Variants in CHODL observed in about 807,000 individuals in gnomAD.
The protein encoded by CHODL is transmembrane protein MT75.
Under a neutral mutation model 34.5 loss-of-function variants are expected in CHODL, and 29 were observed. That is an observed-to-expected ratio of 0.84 (90% CI 0.63 to 1.15). The LOEUF (loss-of-function observed/expected upper bound fraction) is 1.15, where lower values mean the gene tolerates loss of function less well. Among genes scored for constraint, CHODL ranks in the 50% most tolerant of loss-of-function variants. The probability of loss-of-function intolerance (pLI) is 0.00; values close to 1 mark genes in which losing one functional copy is unlikely to be tolerated. For synonymous variants in CHODL, 125 were observed against 116.1 expected (o/e 1.08, Z -0.49); for missense variants, 332 against 332.5 (o/e 1.00, Z 0.01).
At chr21:18,045,672 T>G (rs1236549040) in intron 2 of CHODL, among the ~76,000 whole-genome samples, 1 of 151,944 alleles carries the variant, frequency 6.6e-6, no homozygotes, top group Non-Finnish European at 1.5e-5. Context: ...CACTCCAAAG[T>G]TCATGTTGAA....
At chr21:18,229,723 G>A (rs2073962154) in intron 2 of CHODL, among the ~76,000 whole-genome samples, 1 of 151,894 alleles carries the variant, frequency 6.6e-6, no homozygotes, top group East Asian at 1.9e-4. Context: ...TTTTTCTTCT[G>A]CCCACAGAAT....
At chr21:18,136,130 A>AAAAAG (rs1568904709) in intron 2 of CHODL, among the ~76,000 whole-genome samples, 1 of 151,138 alleles carries the variant, frequency 6.6e-6, no homozygotes, top group Non-Finnish European at 1.5e-5. Context: ...AAAAAGAAAA[A>AAAAAG]AAAGAAAAAA....
chr21:17,963,404 G>T (rs1956471633), intron 1 of CHODL, among the ~76,000 whole-genome samples: 1 of 152,202 alleles, frequency 6.6e-6, no homozygotes, highest in African/African-American at 2.4e-5. Context: ...AGAAAAAGAG[G>T]TTTAATAGAC....
intron 2 of CHODL, among the ~76,000 whole-genome samples, chr21:18,224,711 G>T (rs1409011456): frequency 6.6e-6 from 1 of 151,972 alleles, no homozygotes; most frequent in East Asian, 1.9e-4. Flanking sequence ...AATTTCCTTG[G>T]TTTTAAACAT....
At chr21:18,155,174 A>G (rs1361207182) in intron 2 of CHODL, among the ~76,000 whole-genome samples, 1 of 152,166 alleles carries the variant, frequency 6.6e-6, no homozygotes, top group Non-Finnish European at 1.5e-5. Context: ...CATAATTGGG[A>G]AACAAATGAG....
upstream of CHODL, among the ~76,000 whole-genome samples, chr21:18,240,506 A>G (rs1379094955): frequency 1.3e-5 from 2 of 152,120 alleles, no homozygotes; most frequent in African/African-American, 4.8e-5. Flanking sequence ...ATCACCCCCA[A>G]TAAGGAGTTA....
intron 2 of CHODL, among the ~76,000 whole-genome samples, chr21:18,166,181 T>C (rs2146650722): frequency 6.6e-6 from 1 of 152,322 alleles, no homozygotes; most frequent in Admixed American, 6.5e-5. Flanking sequence ...TTGCTGTTTG[T>C]CAGCTGGTGG....
At chr21:18,103,613 A>G (rs1295768444) in intron 2 of CHODL, among the ~76,000 whole-genome samples, 1 of 152,046 alleles carries the variant, frequency 6.6e-6, no homozygotes, top group East Asian at 1.9e-4. Flanking sequence ...ATGGGCTGCT[A>G]TGGGCTGGCT....
intron 1 of CHODL, among the ~76,000 whole-genome samples, chr21:17,965,782 A>G (rs1163539258): frequency 6.6e-6 from 1 of 152,184 alleles, no homozygotes; most frequent in East Asian, 1.9e-4. Context: ...GAATGAATGC[A>G]TAGATGACTC....
At chr21:18,101,662 G>A (rs2065215330) in intron 2 of CHODL, among the ~76,000 whole-genome samples, 1 of 151,272 alleles carries the variant, frequency 6.6e-6, no homozygotes, top group South Asian at 2.1e-4. Flanking sequence ...AAAGGTAAGT[G>A]TTGAAGCCAG....
chr21:18,085,622 G>T (rs1364611583), intron 2 of CHODL, among the ~76,000 whole-genome samples: 1 of 151,854 alleles, frequency 6.6e-6, no homozygotes. Context: ...GCTTTATTTG[G>T]CAAGATACGC....
chr21:17,986,591 T>A (rs1170807144), intron 1 of CHODL, among the ~76,000 whole-genome samples: 1 of 152,206 alleles, frequency 6.6e-6, no homozygotes, highest in Non-Finnish European at 1.5e-5. Flanking sequence ...TGGTTCCAAG[T>A]CTTTGCTATT....
intron 2 of CHODL, among the ~76,000 whole-genome samples, chr21:18,093,228 T>C (rs771976967): frequency 6.6e-6 from 1 of 152,162 alleles, no homozygotes; most frequent in Non-Finnish European, 1.5e-5. Context: ...CCTAGAATAA[T>C]GTATTAAGTG....
intron 2 of CHODL, among the ~76,000 whole-genome samples, chr21:18,062,653 C>T (rs2064682310): frequency 6.6e-6 from 1 of 152,086 alleles, no homozygotes; most frequent in Non-Finnish European, 1.5e-5. Flanking sequence ...GTAGTCCCAG[C>T]TACTCGGGAG....
At chr21:18,170,851 C>T (rs2073218880) in intron 2 of CHODL, among the ~76,000 whole-genome samples, 1 of 152,020 alleles carries the variant, frequency 6.6e-6, no homozygotes, top group Admixed American at 6.5e-5. Context: ...AGACAGTTAA[C>T]TTTACTAGTA....
At chr21:18,024,053 C>T (rs2064151623) in intron 1 of CHODL, among the ~76,000 whole-genome samples, 1 of 152,172 alleles carries the variant, frequency 6.6e-6, no homozygotes, top group African/African-American at 2.4e-5. Flanking sequence ...GCCAGAGATT[C>T]TGACATGAGT....
intron 2 of CHODL, among the ~76,000 whole-genome samples, chr21:18,222,540 T>A (rs73893031): frequency 1.3e-5 from 2 of 152,180 alleles, no homozygotes; most frequent in African/African-American, 4.8e-5. Context: ...AGGGGCTTTT[T>A]TTGTGGCTTG....
At chr21:17,968,423 GA>G (rs1437707759) in intron 1 of CHODL, among the ~76,000 whole-genome samples, 10 of 152,118 alleles carry the variant, frequency 6.6e-5, no homozygotes, top group Non-Finnish European at 1.5e-4. Flanking sequence ...TCTTTTGCAC[GA>G]AAGTGGCTGG....
intron 2 of CHODL, among the ~76,000 whole-genome samples, chr21:18,220,837 T>C (rs2073876271): frequency 6.6e-6 from 1 of 152,254 alleles, no homozygotes; most frequent in African/African-American, 2.4e-5. Context: ...TTGTCTTTGG[T>C]TTTTGACAGT....
Sources: allele counts gnomAD v4.1 joint callset (sites outside exome capture counted in the v4.1 genomes callset), GRCh38; gene constraint gnomAD v4.1.1; transcripts MANE v1.5; gene names NCBI Gene and HGNC (gene_info 2026-07-23, HGNC 2026-07-21).